HEATR1: variants seen among roughly 807,000 people sequenced by gnomAD.
HEATR1 encodes HEAT repeat containing 1, also known as HEAT repeat-containing protein 1.
A neutral mutation model predicts 248.2 loss-of-function variants in HEATR1; 77 were observed. The ratio of observed to expected loss-of-function variants is 0.31; its 90% CI spans 0.26 to 0.37. HEATR1 has a LOEUF of 0.37. Among genes scored for constraint, HEATR1 ranks in the 10% least tolerant of loss-of-function variants. The pLI is 1.00. For synonymous variants in HEATR1, 897 were observed against 923.1 expected (o/e 0.97, Z 0.51); for missense variants, 2,420 against 2,504.9 (o/e 0.97, Z 0.72).
chr1:236,566,808 T>C lies in HEATR1; in HGVS notation c.4146A>G (p.Val1382=), dbSNP rs146665304. ...GGACGTGTGGCAGCGCATCCACAAA[T>C]ACACTAATGATTTTTACCACAATCT... ...VEEIVVKIIS[V]FVDALPHVPE... The change falls in exon 30 of 45, where the codon GTA becomes GTG. Residue 1382 remains valine, a synonymous_variant. Coordinates refer to ENST00000366582, the MANE Select transcript of HEATR1 (RefSeq NM_018072.6). 2.1e-4 allele frequency: 347 copies of C among 1,614,094 alleles called. No individual in the cohort carries two copies. Among genetic ancestry groups the C allele is most frequent in the South Asian group, 1.1e-3 (97 of 91,082 alleles).
At chr1:236,590,078 A>C (rs1196221240) in intron 12 of HEATR1, among the ~76,000 whole-genome samples, 1 of 152,262 alleles carries the variant, frequency 6.6e-6, no homozygotes, top group Non-Finnish European at 1.5e-5. Flanking sequence ...AATTATTTAC[A>C]AATAAAGTCA....
intron 28 of HEATR1, among the ~76,000 whole-genome samples, chr1:236,570,220 C>G (rs1478289722): frequency 1.3e-5 from 2 of 152,190 alleles, no homozygotes; most frequent in African/African-American, 4.8e-5. Context: ...ACCCAAGAGG[C>G]AGAGCTTGCA....
At chr1:236,551,266 C>T (rs1348710063) in intron 44 of HEATR1, 2 of 415,742 alleles carry the variant, frequency 4.8e-6, no homozygotes, top group Non-Finnish European at 8.6e-6. Flanking sequence ...GTAGCTCACA[C>T]CTCCCCCCTC....
At chr1:236,583,611 C>T (rs819656) in intron 17 of HEATR1, among the ~76,000 whole-genome samples, 9 of 151,586 alleles carry the variant, frequency 5.9e-5, no homozygotes, top group African/African-American at 1.2e-4. Flanking sequence ...TTCAGCCTCC[C>T]GAGTAGGAAG....
At chr1:236,565,199 T>C (rs1663236644) in intron 31 of HEATR1, among the ~76,000 whole-genome samples, 1 of 152,248 alleles carries the variant, frequency 6.6e-6, no homozygotes. Flanking sequence ...ACAGGGCCAA[T>C]GGCTGGCCAC....
At chr1:236,580,538 A>G (rs2758178) in intron 20 of HEATR1, among the ~76,000 whole-genome samples, 2 of 133,520 alleles carry the variant, frequency 1.5e-5, no homozygotes, top group Non-Finnish European at 1.6e-5. Context: ...TTTTTTTGAG[A>G]CAGGGTCTTG....
intron 5 of HEATR1, 53 bp downstream of exon 5, chr1:236,597,825 C>G (rs763055775): frequency 8.6e-7 from 1 of 1,168,750 alleles, no homozygotes; most frequent in African/African-American, 1.5e-5. Context: ...TTTCTTCATT[C>G]AAAGCAAGCA....
intron 11 of HEATR1, 50 bp downstream of exon 11, chr1:236,591,943 C>A: frequency 9.0e-7 from 1 of 1,105,244 alleles, no homozygotes; most frequent in South Asian, 1.4e-5. Context: ...CTTCACATAC[C>A]CATACAAATG....
At chr1:236,604,233 G>A (rs1009832241) in intron 1 of HEATR1, 106 bp from the exon 2 acceptor site, 8 of 876,156 alleles carry the variant, frequency 9.1e-6, no homozygotes, top group Non-Finnish European at 1.3e-5. Flanking sequence ...CACAACGCGG[G>A]TGTCCTGAGA....
chr1:236,584,470 T>C (rs1179430736), intron 17 of HEATR1, among the ~76,000 whole-genome samples: 2 of 152,054 alleles, frequency 1.3e-5, no homozygotes, highest in African/African-American at 4.8e-5. Context: ...CCTCTAAAAT[T>C]TGGAGGACAA....
In HEATR1 at chr1:236,576,205, T is replaced by A; in HGVS notation, c.3084+14A>T. ...ACATCACAGGAATGTACAATCCACTTAAATGGCACATACCTCACCGTTGAC... is the reference window on the plus strand; with the variant it reads ...ACATCACAGGAATGTACAATCCACTAAAATGGCACATACCTCACCGTTGAC... On this transcript the variant is annotated intron_variant, in intron 22 of 44. Coordinates refer to ENST00000366582, the MANE Select transcript of HEATR1 (RefSeq NM_018072.6). The A allele has an allele frequency of 1.3e-6, 2 of 1,570,944 alleles. No homozygotes were observed. Among genetic ancestry groups the A allele is most frequent in the Middle Eastern group, 1.7e-4 (1 of 5,854 alleles).
chr1:236,592,596 C>A lies in HEATR1; in HGVS notation c.1231G>T (p.Glu411Ter). 1 of 1,509,558 alleles carries A rather than the reference C, an allele frequency of 6.6e-7. No individual in the cohort carries two copies. Among genetic ancestry groups the A allele is most frequent in the South Asian group, 1.1e-5 (1 of 87,262 alleles). The allele number at this position is 1,509,558 out of a possible 1,614,324, so 93.5% of individuals were successfully genotyped here. ...GACACTTTATTAGAATCCATTTCTT[C>A]CTGTGAACTATATGAAATATACTCT... The part of the protein sequence containing the change: ...FEEYISYSSQ[E>*]EMDSNKVSLL... Residue 411 changes from glutamate to a stop codon, truncating the protein, a stop_gained, in exon 10 of 45, where the codon GAA becomes TAA. Coordinates refer to ENST00000366582, the MANE Select transcript of HEATR1 (RefSeq NM_018072.6). LOFTEE classifies it high-confidence loss of function.
chr1:236,555,720 C>T lies in HEATR1; in HGVS notation c.5650-65G>A. ...TGACTGTAAATTATTTTGGCAAGTA[C>T]CACTGTTACACGGCTAGATTGTTCT... On this transcript the variant is annotated intron_variant, in intron 39 of 44. Coordinates refer to ENST00000366582, the MANE Select transcript of HEATR1 (RefSeq NM_018072.6). 1.9e-6 allele frequency: 3 copies of T among 1,603,938 alleles called. No individual in the cohort carries two copies. In the African/African-American group the frequency reaches 4.0e-5, roughly 21 times the overall value.
At position 236,556,253 on chromosome 1, in the gene HEATR1, A is replaced by C. The variant is rs1479151955; in HGVS notation, c.5361T>G (p.Ile1787Met). The change falls in exon 38 of 45, where the codon ATT becomes ATG. Residue 1787 changes from isoleucine (I) to methionine (M), a missense_variant. Physicochemically the swap from Ile to Met is conservative, Grantham distance 10. Transcript: ENST00000366582. Reference protein sequence around the residue: ...PYLEGILSQVIHLEKITSEMG... With the variant: ...PYLEGILSQVMHLEKITSEMG... Reference sequence around the variant, plus strand: ...TTTCACTAGTGATTTTCTCCAGATGAATCACCTACAGGAATATAAAAAAAG... The same window carrying C: ...TTTCACTAGTGATTTTCTCCAGATGCATCACCTACAGGAATATAAAAAAAG... The C allele has an allele frequency of 1.2e-6, 2 of 1,614,126 alleles. No homozygotes were observed. Among genetic ancestry groups the C allele is most frequent in the Non-Finnish European group, 1.7e-6 (2 of 1,179,992 alleles).
chr1:236,568,899 A>C (rs76883267), intron 29 of HEATR1, 97 bp downstream of exon 29: 7,420 of 538,804 alleles, frequency 0.014, 21 homozygotes, highest in South Asian at 0.017. Context: ...AAAAAAAAAC[A>C]AAAAAAAAAA....
rs1475810029 is a variant in HEATR1 at position 236,550,831 on chromosome 1, C to T, written c.*71G>A. 12 of 1,211,282 alleles carry T rather than the reference C, an allele frequency of 9.9e-6. No individual in the cohort carries two copies. Among genetic ancestry groups the T allele is most frequent in the Non-Finnish European group, 1.4e-5 (12 of 852,706 alleles). The allele number at this position is 1,211,282 out of a possible 1,614,324, so 75.0% of individuals were successfully genotyped here. A position where few individuals can be genotyped will look rare whatever the true frequency, so the allele number is the denominator to read the frequency against. On this transcript the variant is annotated 3_prime_UTR_variant, in exon 45 of 45. Coordinates refer to ENST00000366582, the MANE Select transcript of HEATR1 (RefSeq NM_018072.6). ...AAGGCACCAAAAGTAACATGGCACC[C>T]AACACCCAAAAATAAAAATATGAAA...
rs767975912 is a variant in HEATR1 at position 236,555,870 on chromosome 1, A to G, written c.5584T>C (p.Ser1862Pro). The change falls in exon 39 of 45, where the codon TCC becomes CCC. Residue 1862 changes from serine to proline, a missense_variant. Transcript: ENST00000366582. ...AAGGCGGTTAGCTGAGACTGATGGG[A>G]GGTGAGCTCTTCCTTCTTCATCACC... Reference protein sequence around the residue: ...IGVMKKEELTSHQSQLTAFFL... With the variant: ...IGVMKKEELTPHQSQLTAFFL... 6.2e-7 allele frequency: 1 copy of G among 1,613,744 alleles called. No homozygotes were observed. The highest frequency in any genetic ancestry group is 2.2e-5 in the East Asian group (1 of 44,884).
chr1:236,568,892 A>AAAC (rs1663344830), intron 29 of HEATR1, 104 bp downstream of exon 29: 2 of 592,818 alleles, frequency 3.4e-6, no homozygotes, highest in South Asian at 1.1e-4. Context: ...TATTAAAAAA[A>AAAC]AAAAACAAAA....
rs766115066 is a variant in HEATR1 at position 236,553,716 on chromosome 1, T to C, written c.6102A>G (p.Glu2034=). Reference sequence around the variant, plus strand: ...TTGTCACCCGTTCCTGGAATTTCTCTTCTCCCCCAAGCCTGTTTTCCAGCT... The same window carrying C: ...TTGTCACCCGTTCCTGGAATTTCTCCTCTCCCCCAAGCCTGTTTTCCAGCT... The part of the protein sequence containing the change: ...VDQLENRLGG[E]EKFQERVTKH... Residue 2034 remains glutamate, a synonymous_variant, in exon 43 of 45, where the codon GAA becomes GAG. Coordinates refer to ENST00000366582, the MANE Select transcript of HEATR1 (RefSeq NM_018072.6). The C allele has an allele frequency of 2.9e-5, 46 of 1,612,908 alleles. No individual in the cohort carries two copies. The highest frequency in any genetic ancestry group is 3.8e-5 in the Non-Finnish European group (45 of 1,179,386).
Sources: allele counts gnomAD v4.1 joint callset (sites outside exome capture counted in the v4.1 genomes callset), GRCh38; gene constraint gnomAD v4.1.1; transcripts MANE v1.5; gene names NCBI Gene and HGNC (gene_info 2026-07-23, HGNC 2026-07-21).